IL12B: variants seen among roughly 807,000 people sequenced by gnomAD.
IL12B encodes the protein interleukin 12B.
IL12B carries 27 observed loss-of-function variants against 39.2 expected under a neutral mutation model. That is an observed-to-expected ratio of 0.69 (90% CI 0.51 to 0.95). IL12B has a LOEUF of 0.95. IL12B is among the 40% of genes least tolerant of loss of function. IL12B has a pLI of 0.00. For missense variants in IL12B, 351 were observed against 397.6 expected (o/e 0.88, Z 1.00); for synonymous variants, 142 against 152.1 (o/e 0.93, Z 0.49).
At chr5:159,324,828 T>C (rs1362613517) in intron 2 of IL12B, among the ~76,000 whole-genome samples, 1 of 152,246 alleles carries the variant, frequency 6.6e-6, no homozygotes, top group African/African-American at 2.4e-5. Context: ...TGTAAAGCAT[T>C]GTAGAATATA....
chr5:159,324,050 G>A (rs539671742), intron 2 of IL12B, among the ~76,000 whole-genome samples: 14 of 152,114 alleles, frequency 9.2e-5, no homozygotes, highest in South Asian at 4.2e-4. Flanking sequence ...TAAGGATTTC[G>A]TTCCCTCTGT....
At chr5:159,326,461 C>A (rs543949780) in intron 2 of IL12B, among the ~76,000 whole-genome samples, 1 of 152,290 alleles carries the variant, frequency 6.6e-6, no homozygotes, top group South Asian at 2.1e-4. Flanking sequence ...TATCATATAT[C>A]ATATGTCTTT....
In IL12B at chr5:159,323,330, C is replaced by A; in HGVS notation, c.89-1G>T. ...TACCAATCCAATTCTACGACATAAA[C>A]TGGAATGCACATAAAGTGGAGAACC... On this transcript the variant is annotated splice_acceptor_variant, in intron 2 of 7. Coordinates refer to ENST00000231228, the MANE Select transcript of IL12B (RefSeq NM_002187.3). LOFTEE classifies it high-confidence loss of function. 1 of 1,613,734 alleles carries A rather than the reference C, an allele frequency of 6.2e-7. No individual in the cohort carries two copies. The highest frequency in any genetic ancestry group is 8.5e-7 in the Non-Finnish European group (1 of 1,179,958).
chr5:159,322,333 C>T (rs926022128), intron 4 of IL12B, 61 bp downstream of exon 4: 1 of 1,091,052 alleles, frequency 9.2e-7, no homozygotes, highest in African/African-American at 1.5e-5. Context: ...AGAGGTTGCC[C>T]TTAATTTCTT....
Position 159,316,700 on chromosome 5 carries a change from A to T in IL12B, c.972T>A (p.Ser324=). ...GCCTGCTCACCTAACTGCAGGGCACAGATGCCCATTCGCTCCAAGATGAGC... is the reference window on the plus strand; with the variant it reads ...GCCTGCTCACCTAACTGCAGGGCACTGATGCCCATTCGCTCCAAGATGAGC... The part of the protein sequence containing the change: ...YYSSSWSEWA[S]VPCS The change falls in exon 7 of 8, where the codon TCT becomes TCA. Residue 324 remains serine, a synonymous_variant. Coordinates refer to ENST00000231228, the MANE Select transcript of IL12B (RefSeq NM_002187.3). 1 of 1,613,364 alleles carries T rather than the reference A, an allele frequency of 6.2e-7. No individual in the cohort carries two copies. The highest frequency in any genetic ancestry group is 8.5e-7 in the Non-Finnish European group (1 of 1,179,806).
At chr5:159,329,803 T>TA (rs1304080219) in intron 1 of IL12B, among the ~76,000 whole-genome samples, 1 of 152,066 alleles carries the variant, frequency 6.6e-6, no homozygotes, top group African/African-American at 2.4e-5. Context: ...CCTGGGCAAG[T>TA]AAAAAAACCT....
In IL12B at chr5:159,322,383, G is replaced by A. The variant is rs1754107583; in HGVS notation, c.482+11C>T. On this transcript the variant is annotated intron_variant, in intron 4 of 7. Transcript: ENST00000231228. The stretch of plus-strand genomic sequence containing the variant: ...AGAAAAATGCTGAGAAACCAGAGCA[G>A]TTTCACTCACCCTCTGCTGCTTTTG... 6.5e-7 allele frequency: 1 copy of A among 1,530,226 alleles called. No individual in the cohort carries two copies. Among genetic ancestry groups the A allele is most frequent in the Non-Finnish European group, 9.1e-7 (1 of 1,103,524 alleles). 94.8% of individuals were successfully genotyped at this position (1,530,226 alleles called of 1,614,324 possible).
Position 159,323,340 on chromosome 5 carries a change from C to T in IL12B, c.89-11G>A, listed in dbSNP as rs1400271097. 6.2e-7 allele frequency: 1 copy of T among 1,613,124 alleles called. No homozygotes were observed. The highest frequency in any genetic ancestry group is 8.5e-7 in the Non-Finnish European group (1 of 1,179,922). ...ATTCTACGACATAAACTGGAATGCA[C>T]ATAAAGTGGAGAACCAGGCTGTAAG... On this transcript the variant is annotated splice_polypyrimidine_tract_variant and intron_variant, in intron 2 of 7. Transcript: ENST00000231228.
In IL12B at chr5:159,321,362, TATATAC is replaced by T. The variant is rs201712627; in HGVS notation, c.483-848_483-843del. Among the ~76,000 whole-genome samples, 240 of 132,766 alleles carry T rather than the reference TATATAC, an allele frequency of 1.8e-3. No individual in the cohort carries two copies. The Middle Eastern group carries it at 0.023, about 13-fold the overall frequency. 87.1% of individuals were successfully genotyped at this position (132,766 alleles called of 152,430 possible). On this transcript the variant is annotated intron_variant, in intron 4 of 7. Coordinates refer to ENST00000231228, the MANE Select transcript of IL12B (RefSeq NM_002187.3). ...TATACACATTTTATATATATATATA[TATATAC>T]ACACACACACACACACACATATGTA...
intron 5 of IL12B, among the ~76,000 whole-genome samples, chr5:159,319,520 G>A (rs1754049965): frequency 6.6e-6 from 1 of 152,240 alleles, no homozygotes; most frequent in Non-Finnish European, 1.5e-5. Flanking sequence ...CTAGATAAGA[G>A]GAGGCAGAGA....
chr5:159,323,559 G>C (rs1027127154), intron 2 of IL12B, among the ~76,000 whole-genome samples: 2 of 152,182 alleles, frequency 1.3e-5, no homozygotes, highest in Non-Finnish European at 2.9e-5. Flanking sequence ...TGACTGGAAG[G>C]CTGCCTTTAA....
chr5:159,319,603 G>A (rs1754051699), intron 5 of IL12B, among the ~76,000 whole-genome samples: 2 of 152,210 alleles, frequency 1.3e-5, no homozygotes, highest in Admixed American at 1.3e-4. Flanking sequence ...CCTAGCAGGT[G>A]CTTCGCACAT....
At chr5:159,325,820 CGCCAACATT>C (rs1754178886) in intron 2 of IL12B, among the ~76,000 whole-genome samples, 1 of 152,120 alleles carries the variant, frequency 6.6e-6, no homozygotes, top group Admixed American at 6.6e-5. Context: ...AGATAGTAAT[CGCCAACATT>C]ATGATGTTGG....
At chr5:159,322,648 T>C in intron 3 of IL12B, 137 bp from the exon 4 acceptor site, 1 of 708,584 alleles carries the variant, frequency 1.4e-6, no homozygotes, top group Non-Finnish European at 2.6e-6. Flanking sequence ...TCCATAAGGA[T>C]TGGGAGTATC....
intron 1 of IL12B, among the ~76,000 whole-genome samples, chr5:159,328,543 G>T (rs1176974206): frequency 6.6e-6 from 1 of 152,218 alleles, no homozygotes; most frequent in African/African-American, 2.4e-5. Context: ...TAGAGGAAGA[G>T]GTAAGGGAAC....
chr5:159,327,608 T>C (rs191647926), intron 1 of IL12B, among the ~76,000 whole-genome samples: 1 of 152,306 alleles, frequency 6.6e-6, no homozygotes. Flanking sequence ...GAGTGTCTGA[T>C]TCAGCAGGCA....
At chr5:159,318,701 A>C (rs1243310872) in intron 6 of IL12B, 35 bp downstream of exon 6, 1 of 1,609,476 alleles carries the variant, frequency 6.2e-7, no homozygotes, top group Non-Finnish European at 8.5e-7. Context: ...CGTAAAACTG[A>C]CCAAGGAATA....
At chr5:159,320,254 G>A (rs1754063102) in intron 5 of IL12B, 52 bp downstream of exon 5, 4 of 1,496,680 alleles carry the variant, frequency 2.7e-6, no homozygotes, top group East Asian at 2.3e-5. Flanking sequence ...TTGTGAACAC[G>A]TGACAAATAG....
chr5:159,320,988 T>C (rs370650751), intron 4 of IL12B, among the ~76,000 whole-genome samples: 3 of 149,632 alleles, frequency 2.0e-5, no homozygotes, highest in African/African-American at 4.9e-5. Flanking sequence ...TTCTTTTTCT[T>C]TCTCTCTCTC....
Sources: allele counts gnomAD v4.1 joint callset (sites outside exome capture counted in the v4.1 genomes callset), GRCh38; gene constraint gnomAD v4.1.1; transcripts MANE v1.5; gene names NCBI Gene and HGNC (gene_info 2026-07-23, HGNC 2026-07-21).